Variants in SLC25A15 observed in about 807,000 individuals in gnomAD.
The protein encoded by SLC25A15 is mitochondrial ornithine transporter 1.
A neutral mutation model predicts 32.3 loss-of-function variants in SLC25A15; 24 were observed. The observed-to-expected ratio is 0.74, with a 90% CI of 0.54 to 1.04. SLC25A15 has a LOEUF of 1.04. Among genes scored for constraint, SLC25A15 ranks in the 50% least tolerant of loss-of-function variants. The probability of loss-of-function intolerance (pLI) is 0.00; values close to 1 mark genes in which losing one functional copy is unlikely to be tolerated. For synonymous variants in SLC25A15, 132 were observed against 142.1 expected, an observed-to-expected ratio of 0.93 and a Z score of 0.51; for missense variants, 317 against 374.5, an observed-to-expected ratio of 0.85 and a Z score of 1.27.
At chr13:40,803,304 T>G (rs766510695) in intron 3 of SLC25A15, among the ~76,000 whole-genome samples, 1 of 151,604 alleles carries the variant, frequency 6.6e-6, no homozygotes, top group African/African-American at 2.4e-5. Context: ...AACCTCTGCC[T>G]CCCTGGTTCA....
chr13:40,808,569 A>G lies in SLC25A15; in HGVS notation c.754A>G (p.Thr252Ala). 6.2e-7 allele frequency: 1 copy of G among 1,607,728 alleles called. No individual in the cohort carries two copies. Among genetic ancestry groups the G allele is most frequent in the African/African-American group, 1.3e-5 (1 of 74,932 alleles). The change falls in exon 6 of 7, where the codon ACC becomes GCC. Residue 252 changes from threonine to alanine, a missense_variant. By Grantham distance (58) the Thr-to-Ala change is moderately conservative (BLOSUM62 0). Coordinates refer to ENST00000338625, the MANE Select transcript of SLC25A15 (RefSeq NM_014252.4). ...MSGKQAGFIR[T>A]FINVVKNEGI... Reference sequence around the variant, plus strand: ...TGGAAAACAGGCAGGATTTATCAGAACCTTTATAAATGTTGTGAAAAATGA... The same window carrying G: ...TGGAAAACAGGCAGGATTTATCAGAGCCTTTATAAATGTTGTGAAAAATGA...
At chr13:40,807,582 A>C (rs1331246523) in intron 5 of SLC25A15, 119 bp downstream of exon 5, 3 of 1,144,632 alleles carry the variant, frequency 2.6e-6, no homozygotes. Flanking sequence ...TCCATCTGGC[A>C]CAGGGAAGCT....
chr13:40,789,890 C>T (rs1490069521), intron 1 of SLC25A15, among the ~76,000 whole-genome samples: 1 of 152,126 alleles, frequency 6.6e-6, no homozygotes, highest in Non-Finnish European at 1.5e-5. Flanking sequence ...TCCTTGTTTG[C>T]CCCCAAGTCC....
At chr13:40,789,799 G>C (rs1881417104) in intron 1 of SLC25A15, 136 bp downstream of exon 1, 3 of 151,952 alleles carry the variant, frequency 2.0e-5, no homozygotes, top group African/African-American at 7.2e-5. Context: ...GGCCAGCGTC[G>C]CAGCGCACGT....
intron 3 of SLC25A15, 85 bp from the exon 4 acceptor site, chr13:40,805,033 G>C (rs1882109607): frequency 1.3e-6 from 2 of 1,566,420 alleles, no homozygotes; most frequent in Non-Finnish European, 1.8e-6. Flanking sequence ...TCCTTACCCT[G>C]CTTTATCACC....
rs748169316 is a variant in SLC25A15, at chr13:40,807,289, C to T, written c.453-5C>T. 1 of 1,613,904 alleles carries T rather than the reference C, an allele frequency of 6.2e-7. No homozygotes were observed. Among genetic ancestry groups the T allele is most frequent in the Non-Finnish European group, 8.5e-7 (1 of 1,179,926 alleles). On this transcript the variant is annotated splice_polypyrimidine_tract_variant and splice_region_variant and intron_variant, in intron 4 of 6. Coordinates refer to ENST00000338625, the MANE Select transcript of SLC25A15 (RefSeq NM_014252.4). Reference sequence around the variant, plus strand: ...ACCGTGCTATCTCTCTGTGTCTCCTCCCAGTACAGTGTGGTCTGTCATCAA... The same window carrying T: ...ACCGTGCTATCTCTCTGTGTCTCCTTCCAGTACAGTGTGGTCTGTCATCAA...
rs1465663877 is a variant in SLC25A15, at chr13:40,804,777, C to T, written c.315-341C>T. ...ATGTTAGCCAGGATGGTCTCGATCTCCTGACTTCGTGATCCGCCCGCCTCG... is the reference window on the plus strand; with the variant it reads ...ATGTTAGCCAGGATGGTCTCGATCTTCTGACTTCGTGATCCGCCCGCCTCG... On this transcript the variant is annotated intron_variant, in intron 3 of 6. Coordinates refer to ENST00000338625, the MANE Select transcript of SLC25A15 (RefSeq NM_014252.4). Among the ~76,000 whole-genome samples, 4 of 151,436 alleles carry T rather than the reference C, an allele frequency of 2.6e-5. No homozygotes were observed. The East Asian group carries it at 7.8e-4, about 29-fold the overall frequency.
intron 2 of SLC25A15, among the ~76,000 whole-genome samples, chr13:40,797,574 G>T (rs892441109): frequency 6.6e-6 from 1 of 152,080 alleles, no homozygotes; most frequent in Non-Finnish European, 1.5e-5. Context: ...AATTAAAGGC[G>T]GAAGTGTGTC....
chr13:40,808,570 C>CA lies in SLC25A15; in HGVS notation c.755_756insA (p.Phe253LeufsTer8). On this transcript the variant is annotated frameshift_variant, in exon 6 of 7. Transcript: ENST00000338625. LOFTEE classifies it high-confidence loss of function. ...GGAAAACAGGCAGGATTTATCAGAA[C>CA]CTTTATAAATGTTGTGAAAAATGAA... 6.2e-7 allele frequency: 1 copy of CA among 1,607,702 alleles called. No homozygotes were observed. Among genetic ancestry groups the CA allele is most frequent in the Non-Finnish European group, 8.5e-7 (1 of 1,179,760 alleles).
At chr13:40,792,141 A>G (rs1881529802) in intron 1 of SLC25A15, among the ~76,000 whole-genome samples, 1 of 152,210 alleles carries the variant, frequency 6.6e-6, no homozygotes, top group Admixed American at 6.5e-5. Flanking sequence ...ACTTTTGTCT[A>G]AAGAGAGAGA....
At position 40,811,764 on chromosome 13, in the gene SLC25A15, T is replaced by A. The variant is rs17592947; in HGVS notation, c.*2097T>A. ...CTGTATACTGAGTGCAAGCAGGCTA[T>A]CAATTTTAATAATAGTCCATACCAT... is the stretch of plus-strand genomic sequence containing the variant. On this transcript the variant is annotated 3_prime_UTR_variant, in exon 7 of 7. Transcript: ENST00000338625. 0.038 allele frequency among the ~76,000 whole-genome samples: 5,858 copies of A among 152,270 alleles called. 260 individuals carry two copies. Among genetic ancestry groups the A allele is most frequent in the East Asian group, 0.15 (766 of 5,176 alleles).
Position 40,805,240 on chromosome 13 carries a change from T to A in SLC25A15, c.437T>A (p.Ile146Lys). The A allele has an allele frequency of 6.2e-7, 1 of 1,614,202 alleles. No individual in the cohort carries two copies. Among genetic ancestry groups the A allele is most frequent in the Non-Finnish European group, 8.5e-7 (1 of 1,180,038 alleles). The change falls in exon 4 of 7, where the codon ATA becomes AAA. Residue 146 changes from isoleucine to lysine, a missense_variant. Ile to Lys is a moderately radical substitution (Grantham distance 102). Transcript: ENST00000338625. ...TATGAGATGGAGACATCAGGGAAGATAGCCAAGAGCCAGAAGTAAGCACCA... is the reference window on the plus strand; with the variant it reads ...TATGAGATGGAGACATCAGGGAAGAAAGCCAAGAGCCAGAAGTAAGCACCA... ...TMYEMETSGKIAKSQNTVWSV... is the reference protein window; with the variant it reads ...TMYEMETSGKKAKSQNTVWSV...
In SLC25A15 at chr13:40,810,374, G is replaced by A. The variant is rs2138060698; in HGVS notation, c.*707G>A. ...GACGAGGTTTCACCATGTTGTCCAG[G>A]TTGGTCTCGAACTCCTGACCTCAAG... On this transcript the variant is annotated 3_prime_UTR_variant, in exon 7 of 7. Transcript: ENST00000338625. 6.6e-6 allele frequency among the ~76,000 whole-genome samples: 1 copy of A among 152,194 alleles called. No individual in the cohort carries two copies. Among genetic ancestry groups the A allele is most frequent in the South Asian group, 2.1e-4 (1 of 4,818 alleles).
intron 2 of SLC25A15, among the ~76,000 whole-genome samples, chr13:40,798,203 C>T (rs1308989666): frequency 6.6e-6 from 1 of 150,496 alleles, no homozygotes; most frequent in East Asian, 2.0e-4. Flanking sequence ...TTCCTTGAAC[C>T]TGGGAGGTGG....
At chr13:40,809,223 C>T (rs1326863364) in intron 6 of SLC25A15, among the ~76,000 whole-genome samples, 1 of 152,232 alleles carries the variant, frequency 6.6e-6, no homozygotes. Flanking sequence ...TGCAAAGCTG[C>T]TGCCACCTCT....
intron 2 of SLC25A15, among the ~76,000 whole-genome samples, chr13:40,793,531 G>C (rs1402562801): frequency 6.6e-6 from 1 of 152,144 alleles, no homozygotes; most frequent in Non-Finnish European, 1.5e-5. Flanking sequence ...CGCCATCTAG[G>C]GTCAGGTGTG....
Position 40,808,602 on chromosome 13 carries a change from T to TA in SLC25A15, c.781+9dup, listed in dbSNP as rs2138058178. The TA allele has an allele frequency of 6.2e-7, 1 of 1,600,120 alleles. No homozygotes were observed. The highest frequency in any genetic ancestry group is 8.5e-7 in the Non-Finnish European group (1 of 1,178,288). The stretch of plus-strand genomic sequence containing the variant: ...AAATGTTGTGAAAAATGAAGGTGAG[T>TA]AAATACCTGTTTTTCAAGCATCTAT... On this transcript the variant is annotated splice_region_variant and intron_variant, in intron 6 of 6. Transcript: ENST00000338625.
chr13:40,795,673 T>C (rs1349210197), intron 2 of SLC25A15, among the ~76,000 whole-genome samples: 1 of 151,716 alleles, frequency 6.6e-6, no homozygotes, highest in Admixed American at 6.6e-5. Context: ...GAGCGAGACA[T>C]GGTCTATAGG....
intron 2 of SLC25A15, among the ~76,000 whole-genome samples, chr13:40,795,563 G>C (rs1881642310): frequency 6.6e-6 from 1 of 152,118 alleles, no homozygotes; most frequent in South Asian, 2.1e-4. Context: ...CCCTGTGCTG[G>C]CGACACAGGG....
Sources: allele counts gnomAD v4.1 joint callset (sites outside exome capture counted in the v4.1 genomes callset), GRCh38; gene constraint gnomAD v4.1.1; transcripts MANE v1.5; gene names NCBI Gene and HGNC (gene_info 2026-07-23, HGNC 2026-07-21).